AFG2A: variants seen among roughly 807,000 people sequenced by gnomAD.
The protein encoded by AFG2A is AAA ATPase AFG2A, also known as ATPase family gene 2 protein homolog A.
At chr4:122,935,272 A>G in the AFG2A span, among the ~76,000 whole-genome samples, 8 of 152,232 alleles carry the variant, frequency 5.3e-5, no homozygotes, top group African/African-American at 1.9e-4. Context: ...ATATATATGT[A>G]TGTGTAAAAT....
the AFG2A span, among the ~76,000 whole-genome samples, chr4:123,085,111 G>T: frequency 1.5e-4 from 23 of 152,030 alleles, no homozygotes; most frequent in Admixed American, 1.0e-3. Context: ...ATTTGTTCAT[G>T]TGTGTTTTAT....
chr4:123,257,236 T>C, the AFG2A span, among the ~76,000 whole-genome samples: 3 of 152,042 alleles, frequency 2.0e-5, no homozygotes, highest in Non-Finnish European at 4.4e-5. Context: ...CCAAGAACCA[T>C]AGATATAGAT....
chr4:122,995,957 A>G, the AFG2A span, among the ~76,000 whole-genome samples: 1 of 152,378 alleles, frequency 6.6e-6, no homozygotes, highest in African/African-American at 2.4e-5. Context: ...ATATACAGAT[A>G]TGAAGTAATT....
the AFG2A span, among the ~76,000 whole-genome samples, chr4:123,065,534 A>G: frequency 2.0e-5 from 3 of 152,230 alleles, no homozygotes; most frequent in Non-Finnish European, 4.4e-5. Context: ...TAAAATAATA[A>G]TGATTTCCAT....
chr4:123,033,062 T>C, the AFG2A span, among the ~76,000 whole-genome samples: 1 of 152,246 alleles, frequency 6.6e-6, no homozygotes, highest in African/African-American at 2.4e-5. Flanking sequence ...TAACTAGATA[T>C]ATTAATATTC....
the AFG2A span, among the ~76,000 whole-genome samples, chr4:122,969,142 TA>T: frequency 6.6e-6 from 1 of 151,622 alleles, no homozygotes; most frequent in Non-Finnish European, 1.5e-5. Context: ...TATATTGATA[TA>T]AAGGATCCAG....
the AFG2A span, among the ~76,000 whole-genome samples, chr4:122,982,182 T>C: frequency 6.6e-6 from 1 of 152,162 alleles, no homozygotes; most frequent in Non-Finnish European, 1.5e-5. Flanking sequence ...TTCTGTCTAA[T>C]GTATTGAGAG....
the AFG2A span, among the ~76,000 whole-genome samples, chr4:123,116,581 C>T: frequency 6.6e-6 from 1 of 152,094 alleles, no homozygotes; most frequent in Non-Finnish European, 1.5e-5. Context: ...ATTGAGAAAC[C>T]CTGCTGTAAA....
the AFG2A span, among the ~76,000 whole-genome samples, chr4:123,247,803 G>T: frequency 1.3e-5 from 2 of 152,090 alleles, no homozygotes; most frequent in African/African-American, 4.8e-5. Context: ...TTATGTATGG[G>T]TTAGGTAAAT....
chr4:123,189,901 G>C, the AFG2A span, among the ~76,000 whole-genome samples: 1 of 142,822 alleles, frequency 7.0e-6, no homozygotes, highest in Non-Finnish European at 1.5e-5. Flanking sequence ...TGCAGCCCGG[G>C]TTCAGGTGAT....
At chr4:123,144,760 A>G in the AFG2A span, among the ~76,000 whole-genome samples, 1 of 152,060 alleles carries the variant, frequency 6.6e-6, no homozygotes, top group East Asian at 1.9e-4. Context: ...TGTGTTGTAA[A>G]ATTTTCAGAG....
the AFG2A span, chr4:122,929,239 C>T: frequency 6.7e-7 from 1 of 1,500,652 alleles, no homozygotes; most frequent in African/African-American, 1.4e-5. Flanking sequence ...TCAAAGCTGC[C>T]CAGTAGAAAT....
the AFG2A span, among the ~76,000 whole-genome samples, chr4:123,283,101 A>T: frequency 6.6e-6 from 1 of 152,242 alleles, no homozygotes; most frequent in East Asian, 1.9e-4. Context: ...TTCCACCAAG[A>T]AGTCTTTCTA....
the AFG2A span, chr4:122,934,356 A>G: frequency 6.2e-7 from 1 of 1,614,218 alleles, no homozygotes; most frequent in Non-Finnish European, 8.5e-7. Context: ...CTTATAAACC[A>G]ATTGATGACA....
chr4:123,062,449 TATC>T, the AFG2A span, among the ~76,000 whole-genome samples: 2 of 152,182 alleles, frequency 1.3e-5, no homozygotes, highest in South Asian at 2.1e-4. Context: ...TTTTTAAAAC[TATC>T]ATTTTTTTCT....
chr4:123,299,636 C>A, the AFG2A span, among the ~76,000 whole-genome samples: 1 of 152,160 alleles, frequency 6.6e-6, no homozygotes, highest in Admixed American at 6.6e-5. Context: ...GTCTGCTGGT[C>A]TCTTTCCAAT....
chr4:123,044,116 C>A, the AFG2A span, among the ~76,000 whole-genome samples: 1 of 119,508 alleles, frequency 8.4e-6, no homozygotes, highest in Non-Finnish European at 2.1e-5. Context: ...ATCTTGATCC[C>A]ACTTGTTTAC....
At chr4:123,256,299 C>G in the AFG2A span, 1 of 1,126,414 alleles carries the variant, frequency 8.9e-7, no homozygotes, top group Non-Finnish European at 1.3e-6. Flanking sequence ...AATCTTGAAA[C>G]AGGAAGTGCA....
chr4:123,236,831 T>C, the AFG2A span, among the ~76,000 whole-genome samples: 1 of 152,158 alleles, frequency 6.6e-6, no homozygotes, highest in Non-Finnish European at 1.5e-5. Context: ...GGGATGTAAA[T>C]GGGGAACAAG....
Sources: allele counts gnomAD v4.1 joint callset (sites outside exome capture counted in the v4.1 genomes callset), GRCh38; gene constraint gnomAD v4.1.1; transcripts MANE v1.5; gene names NCBI Gene and HGNC (gene_info 2026-07-23, HGNC 2026-07-21).